Variants in CDKAL1 observed in about 807,000 individuals in gnomAD.
CDKAL1 encodes CDKAL1 threonylcarbamoyladenosine tRNA methylthiotransferase, also known as threonylcarbamoyladenosine tRNA methylthiotransferase.
CDKAL1 carries 32 observed loss-of-function variants against 68.2 expected under a neutral mutation model. The observed-to-expected ratio is 0.47, with a 90% CI of 0.35 to 0.63. CDKAL1 has a LOEUF of 0.63. CDKAL1 is among the 30% of genes least tolerant of loss of function. The probability of loss-of-function intolerance (pLI) is 0.00; values close to 1 mark genes in which losing one functional copy is unlikely to be tolerated. For missense variants in CDKAL1, 606 were observed against 696.7 expected, an observed-to-expected ratio of 0.87 and a Z score of 1.47; for synonymous variants, 234 against 244.3, an observed-to-expected ratio of 0.96 and a Z score of 0.39.
chr6:20,721,241 T>G (rs1340122801), intron 5 of CDKAL1, among the ~76,000 whole-genome samples: 2 of 152,134 alleles, frequency 1.3e-5, no homozygotes, highest in Non-Finnish European at 2.9e-5. Flanking sequence ...GATAGTTTGC[T>G]AAGAATGATG....
intron 9 of CDKAL1, among the ~76,000 whole-genome samples, chr6:20,904,616 C>A (rs557508548): frequency 6.6e-6 from 1 of 151,912 alleles, no homozygotes; most frequent in African/African-American, 2.4e-5. Context: ...ATGGAGAAAC[C>A]CCATCTCTAC....
At chr6:21,028,146 C>A (rs1769064748) in intron 11 of CDKAL1, among the ~76,000 whole-genome samples, 1 of 152,162 alleles carries the variant, frequency 6.6e-6, no homozygotes, top group Non-Finnish European at 1.5e-5. Context: ...CCCAGGGAGT[C>A]TGTCAATACT....
At chr6:20,656,248 A>G (rs1163095495) in intron 5 of CDKAL1, among the ~76,000 whole-genome samples, 1 of 152,214 alleles carries the variant, frequency 6.6e-6, no homozygotes. Flanking sequence ...AAAGAGGTCA[A>G]CACTAGAAAC....
At position 21,174,464 on chromosome 6, in the gene CDKAL1, C is replaced by T. The variant is rs540734597; in HGVS notation, c.1300-23557C>T. ...AAAAATAGTCTCAATAATTGTAATT[C>T]AGTTATTATAACTCAACAGAAAAAT... On this transcript the variant is annotated intron_variant, in intron 13 of 15. Transcript: ENST00000274695. Among the ~76,000 whole-genome samples, 198 of 152,194 alleles carry T rather than the reference C, an allele frequency of 1.3e-3. 1 individual carries two copies. Among genetic ancestry groups the T allele is most frequent in the African/African-American group, 4.3e-3 (179 of 41,500 alleles).
intron 11 of CDKAL1, among the ~76,000 whole-genome samples, chr6:21,028,302 C>T (rs2150872842): frequency 6.6e-6 from 1 of 152,296 alleles, no homozygotes; most frequent in South Asian, 2.1e-4. Context: ...GACATTATCT[C>T]ATTTGATCTT....
At chr6:20,933,834 G>T (rs1029847055) in intron 9 of CDKAL1, among the ~76,000 whole-genome samples, 1 of 151,934 alleles carries the variant, frequency 6.6e-6, no homozygotes, top group South Asian at 2.1e-4. Context: ...GTAATTTAAG[G>T]ACGTTTTATA....
chr6:21,005,982 G>C (rs1047791621), intron 11 of CDKAL1, among the ~76,000 whole-genome samples: 74 of 152,224 alleles, frequency 4.9e-4, no homozygotes, highest in East Asian at 3.9e-4. Flanking sequence ...AGGGGCACAA[G>C]GGCATAAAGC....
chr6:20,676,378 A>T (rs1043540021), intron 5 of CDKAL1, among the ~76,000 whole-genome samples: 31 of 152,138 alleles, frequency 2.0e-4, no homozygotes, highest in Non-Finnish European at 8.8e-5. Flanking sequence ...GTACCATTTT[A>T]AAAAAGTCGG....
At chr6:21,040,215 G>A (rs527508745) in intron 11 of CDKAL1, among the ~76,000 whole-genome samples, 2 of 152,202 alleles carry the variant, frequency 1.3e-5, no homozygotes, top group South Asian at 2.1e-4. Context: ...CTCATAATAC[G>A]ATGGAGTTTT....
intron 5 of CDKAL1, among the ~76,000 whole-genome samples, chr6:20,727,084 G>T (rs1278947090): frequency 6.6e-6 from 1 of 152,144 alleles, no homozygotes; most frequent in Non-Finnish European, 1.5e-5. Flanking sequence ...AGCTCCTATT[G>T]TTAAGGAGTT....
At chr6:20,795,518 G>A (rs1776074464) in intron 8 of CDKAL1, among the ~76,000 whole-genome samples, 1 of 152,128 alleles carries the variant, frequency 6.6e-6, no homozygotes, top group African/African-American at 2.4e-5. Context: ...TGGAATAGTG[G>A]TTGAGAAAGG....
intron 10 of CDKAL1, among the ~76,000 whole-genome samples, chr6:20,959,811 G>A (rs569346150): frequency 2.6e-5 from 4 of 152,062 alleles, no homozygotes; most frequent in South Asian, 2.1e-4. Context: ...AAAGTGAAGC[G>A]GTTTATGAAT....
chr6:20,746,857 GTAGTAAGAGCACCTAATATC>G, intron 6 of CDKAL1, among the ~76,000 whole-genome samples: 1 of 152,186 alleles, frequency 6.6e-6, no homozygotes, highest in East Asian at 1.9e-4. Flanking sequence ...ATGTTTGTGT[GTAGTAAGAGCACCTAATATC>G]TACTCTTAGC....
intron 8 of CDKAL1, among the ~76,000 whole-genome samples, chr6:20,822,542 C>A (rs1054852026): frequency 6.6e-6 from 1 of 152,088 alleles, no homozygotes; most frequent in Non-Finnish European, 1.5e-5. Context: ...TTTGGCTCAG[C>A]GATAGGGTTA....
chr6:20,572,057 G>T (rs566989385), intron 4 of CDKAL1, among the ~76,000 whole-genome samples: 1 of 152,180 alleles, frequency 6.6e-6, no homozygotes, highest in African/African-American at 2.4e-5. Context: ...CCCTTATTTG[G>T]CTTCTAGATC....
chr6:20,787,144 A>G (rs529971163), intron 8 of CDKAL1, among the ~76,000 whole-genome samples: 2 of 152,290 alleles, frequency 1.3e-5, no homozygotes, highest in African/African-American at 4.8e-5. Context: ...TTTATCTTTT[A>G]AAATTTATCT....
chr6:20,567,934 G>A (rs1354873469), intron 4 of CDKAL1, among the ~76,000 whole-genome samples: 2 of 151,538 alleles, frequency 1.3e-5, no homozygotes, highest in African/African-American at 4.8e-5. Context: ...GGAGTGCAGT[G>A]GCGCGATCTC....
intron 4 of CDKAL1, among the ~76,000 whole-genome samples, chr6:20,593,930 A>G (rs1054889822): frequency 2.0e-5 from 3 of 152,096 alleles, no homozygotes; most frequent in Admixed American, 6.5e-5. Context: ...TAATTTTGTT[A>G]TTTACCCAGA....
intron 15 of CDKAL1, among the ~76,000 whole-genome samples, chr6:21,213,316 G>A (rs1779229142): frequency 6.6e-6 from 1 of 152,224 alleles, no homozygotes; most frequent in African/African-American, 2.4e-5. Context: ...AATATGTGAT[G>A]TGGAGTGGGG....
Sources: allele counts gnomAD v4.1 joint callset (sites outside exome capture counted in the v4.1 genomes callset), GRCh38; gene constraint gnomAD v4.1.1; transcripts MANE v1.5; gene names NCBI Gene and HGNC (gene_info 2026-07-23, HGNC 2026-07-21).